DAGLA: variants seen among roughly 807,000 people sequenced by gnomAD.
The protein encoded by DAGLA is diacylglycerol lipase-alpha.
A neutral mutation model predicts 102.6 loss-of-function variants in DAGLA; 22 were observed. That is an observed-to-expected ratio of 0.21 (90% CI 0.15 to 0.31). The LOEUF (loss-of-function observed/expected upper bound fraction) is 0.31. Among genes scored for constraint, DAGLA ranks in the 10% least tolerant of loss-of-function variants. DAGLA has a pLI of 1.00. For missense variants in DAGLA, 927 were observed against 1,446.6 expected, an observed-to-expected ratio of 0.64 and a Z score of 5.83; for synonymous variants, 578 against 628.9, an observed-to-expected ratio of 0.92 and a Z score of 1.21.
intron 1 of DAGLA, among the ~76,000 whole-genome samples, chr11:61,682,986 G>T (rs142638949): frequency 8.0e-4 from 122 of 152,326 alleles, no homozygotes; most frequent in African/African-American, 2.9e-3. Context: ...CTTCCCAGGT[G>T]GGGAGGATGA....
At chr11:61,716,445 A>G (rs1256766472) in intron 1 of DAGLA, among the ~76,000 whole-genome samples, 3 of 152,016 alleles carry the variant, frequency 2.0e-5, no homozygotes, top group Admixed American at 2.0e-4. Flanking sequence ...CAAAGCATGG[A>G]CCCTTCCAGT....
chr11:61,691,309 C>A (rs924729413), intron 1 of DAGLA, among the ~76,000 whole-genome samples: 1 of 152,188 alleles, frequency 6.6e-6, no homozygotes, highest in Non-Finnish European at 1.5e-5. Flanking sequence ...TTATAGGAAC[C>A]CTCTGAAATT....
At chr11:61,723,125 C>A (rs558987316) in intron 4 of DAGLA, among the ~76,000 whole-genome samples, 165 bp downstream of exon 4, 42 of 152,308 alleles carry the variant, frequency 2.8e-4, no homozygotes, top group African/African-American at 9.6e-4. Flanking sequence ...TTGAGGCCTG[C>A]CAGCTACCTG....
At chr11:61,709,530 C>T (rs2135569250) in intron 1 of DAGLA, among the ~76,000 whole-genome samples, 1 of 152,328 alleles carries the variant, frequency 6.6e-6, no homozygotes, top group African/African-American at 2.4e-5. Flanking sequence ...CCACTGAAGC[C>T]TGCCCACTAT....
In DAGLA at chr11:61,728,139, C is replaced by T; in HGVS notation, c.637-14C>T. ...CTCCCCTGCCACTGCCTCCTGCCTTCCTGGACCTCGTAGGATGCCTACTCA... is the reference window on the plus strand; with the variant it reads ...CTCCCCTGCCACTGCCTCCTGCCTTTCTGGACCTCGTAGGATGCCTACTCA... On this transcript the variant is annotated splice_polypyrimidine_tract_variant and intron_variant, in intron 6 of 19. Transcript: ENST00000257215. 1 of 1,613,836 alleles carries T rather than the reference C, an allele frequency of 6.2e-7. No homozygotes were observed. The highest frequency in any genetic ancestry group is 8.5e-7 in the Non-Finnish European group (1 of 1,179,834).
intron 19 of DAGLA, among the ~76,000 whole-genome samples, chr11:61,742,730 GCT>G (rs1469198232): frequency 6.6e-6 from 1 of 152,056 alleles, no homozygotes; most frequent in Non-Finnish European, 1.5e-5. Context: ...TATGTGCAGG[GCT>G]CTCTCCCTTC....
intron 1 of DAGLA, among the ~76,000 whole-genome samples, chr11:61,688,768 C>T (rs796808435): frequency 9.2e-5 from 14 of 152,114 alleles, no homozygotes; most frequent in African/African-American, 3.4e-4. Flanking sequence ...CAGACCTCCC[C>T]TCACCCCTCA....
chr11:61,733,097 T>C (rs1004369466), intron 9 of DAGLA, among the ~76,000 whole-genome samples: 2 of 152,242 alleles, frequency 1.3e-5, no homozygotes, highest in African/African-American at 4.8e-5. Context: ...CTTGGACCCT[T>C]GATCTCACAC....
chr11:61,707,608 C>T (rs1049994551), intron 1 of DAGLA, among the ~76,000 whole-genome samples: 16 of 152,276 alleles, frequency 1.1e-4, no homozygotes, highest in African/African-American at 3.6e-4. Flanking sequence ...ACGGGCTTAC[C>T]TGGTCATTTG....
At chr11:61,690,079 G>A (rs1338694390) in intron 1 of DAGLA, among the ~76,000 whole-genome samples, 1 of 152,096 alleles carries the variant, frequency 6.6e-6, no homozygotes, top group Non-Finnish European at 1.5e-5. Context: ...TCCAGGCACC[G>A]CAAACTCTCC....
At chr11:61,729,470 C>T (rs367630453) in intron 8 of DAGLA, among the ~76,000 whole-genome samples, 9 of 152,008 alleles carry the variant, frequency 5.9e-5, no homozygotes, top group Non-Finnish European at 1.3e-4. Context: ...GGGCCCAGCA[C>T]ACAGCCCAGG....
intron 3 of DAGLA, 35 bp downstream of exon 3, chr11:61,720,925 C>T (rs1226371131): frequency 2.5e-6 from 4 of 1,575,244 alleles, no homozygotes; most frequent in African/African-American, 2.7e-5. Flanking sequence ...CTGCCCCAGA[C>T]AACTCCCACC....
intron 1 of DAGLA, among the ~76,000 whole-genome samples, chr11:61,705,114 T>A (rs985537322): frequency 2.0e-5 from 3 of 152,064 alleles, no homozygotes; most frequent in African/African-American, 7.2e-5. Flanking sequence ...GCTCTGAGGG[T>A]GGGATGGGCA....
intron 1 of DAGLA, among the ~76,000 whole-genome samples, chr11:61,713,130 G>T (rs1042933693): frequency 1.3e-5 from 2 of 152,192 alleles, no homozygotes; most frequent in Non-Finnish European, 2.9e-5. Flanking sequence ...CTGCAGAATG[G>T]GTCCCGTGCT....
chr11:61,716,280 G>A (rs1191212517), intron 1 of DAGLA, among the ~76,000 whole-genome samples: 1 of 152,156 alleles, frequency 6.6e-6, no homozygotes, highest in Non-Finnish European at 1.5e-5. Context: ...GGGCCATGCT[G>A]GGGGAAGGGG....
At chr11:61,723,307 G>T in intron 4 of DAGLA, 127 bp from the exon 5 acceptor site, 1 of 1,341,422 alleles carries the variant, frequency 7.5e-7, no homozygotes, top group Non-Finnish European at 1.0e-6. Context: ...CAGGGGCTTT[G>T]GAGCCTGGCT....
In DAGLA at chr11:61,739,638, C is replaced by T; in HGVS notation, c.1830C>T (p.His610=). ...YPPGRIIHVV[H]NHPAEQCCCC... is the part of the protein sequence containing the mutation. The stretch of plus-strand genomic sequence containing the variant: ...CCGGCCGCATCATCCACGTGGTCCA[C>T]AACCACCCTGCAGAGCAGTGCTGGT... Residue 610 remains histidine (H), a synonymous_variant, in exon 17 of 20, where the codon CAC becomes CAT. Transcript: ENST00000257215. 1 of 1,614,012 alleles carries T rather than the reference C, an allele frequency of 6.2e-7. No homozygotes were observed. The highest frequency in any genetic ancestry group is 1.1e-5 in the South Asian group (1 of 91,084).
Position 61,744,002 on chromosome 11 carries a change from A to T in DAGLA, c.2642A>T (p.Glu881Val), listed in dbSNP as rs2065510181. The T allele has an allele frequency of 6.2e-7, 1 of 1,611,842 alleles. No homozygotes were observed. The highest frequency in any genetic ancestry group is 1.7e-5 in the Admixed American group (1 of 59,984). Residue 881 changes from glutamate to valine, a missense_variant, in exon 20 of 20, where the codon GAG becomes GTG. Around this residue, in one of 4 missense-constraint regions of DAGLA, gnomAD observed 434 missense variants for 503.3 expected, o/e 0.86. Transcript: ENST00000257215. ...GCTGCGGCCAATGACGAGGAGGAAG[A>T]GGTTGGCGGTGGGGGTGGCGGGCCG... is the stretch of plus-strand genomic sequence containing the variant. ...PSAAANDEEE[E>V]VGGGGGGPAS...
chr11:61,720,080 A>G (rs2065269062), intron 1 of DAGLA, 32 bp from the exon 2 acceptor site: 3 of 1,510,790 alleles, frequency 2.0e-6, no homozygotes, highest in Non-Finnish European at 2.7e-6. Flanking sequence ...TCACCTCCTC[A>G]GGCAGCTATA....
Sources: allele counts gnomAD v4.1 joint callset (sites outside exome capture counted in the v4.1 genomes callset), GRCh38; gene constraint gnomAD v4.1.1; regional missense constraint gnomAD v4.1.1; transcripts MANE v1.5; gene names NCBI Gene and HGNC (gene_info 2026-07-23, HGNC 2026-07-21).